Variants in RFX4 observed in about 807,000 individuals in gnomAD.
RFX4 encodes the protein transcription factor RFX4.
A neutral mutation model predicts 95.0 loss-of-function variants in RFX4; 10 were observed. The observed-to-expected ratio is 0.11, with a 90% CI of 0.06 to 0.18. The LOEUF (loss-of-function observed/expected upper bound fraction) is 0.18. Among genes scored for constraint, RFX4 ranks in the 10% least tolerant of loss-of-function variants. The pLI is 1.00. For missense variants in RFX4, 640 were observed against 922.0 expected, an observed-to-expected ratio of 0.69 and a Z score of 3.96; for synonymous variants, 321 against 340.7, an observed-to-expected ratio of 0.94 and a Z score of 0.64.
chr12:106,694,610 T>C (rs1592948806), intron 7 of RFX4, among the ~76,000 whole-genome samples: 1 of 152,212 alleles, frequency 6.6e-6, no homozygotes, highest in African/African-American at 2.4e-5. Context: ...ATCTCAGCCA[T>C]ACCCTGACTG....
At chr12:106,715,344 C>A in intron 10 of RFX4, 56 bp from the exon 11 acceptor site, 1 of 1,570,212 alleles carries the variant, frequency 6.4e-7, no homozygotes. Context: ...AAAGGAAATA[C>A]AGTGAAAGGG....
chr12:106,589,049 A>G (rs983712456), intron 1 of RFX4, among the ~76,000 whole-genome samples: 4 of 152,170 alleles, frequency 2.6e-5, no homozygotes, highest in African/African-American at 9.7e-5. Context: ...GAAACTCTTC[A>G]GCTGCCCCTC....
chr12:106,610,635 G>A (rs187849744), intron 2 of RFX4, among the ~76,000 whole-genome samples: 2 of 152,342 alleles, frequency 1.3e-5, no homozygotes, highest in East Asian at 3.8e-4. Context: ...TGTAGCATGT[G>A]TCAGAATTTT....
intron 15 of RFX4, among the ~76,000 whole-genome samples, chr12:106,735,378 GTTTTATAAAATGGAATAAAGACAAGGCTT>G: frequency 6.6e-6 from 1 of 152,214 alleles, no homozygotes; most frequent in African/African-American, 2.4e-5. Flanking sequence ...ATAGCTGAGA[GTTTTATAAAATGGAATAAAGACAAGGCTT>G]TTTAGACCAA....
At chr12:106,698,854 C>T (rs1415537434) in intron 8 of RFX4, among the ~76,000 whole-genome samples, 1 of 151,962 alleles carries the variant, frequency 6.6e-6, no homozygotes, top group Non-Finnish European at 1.5e-5. Flanking sequence ...TTATTGATCT[C>T]AAAAAATAGC....
intron 2 of RFX4, among the ~76,000 whole-genome samples, chr12:106,629,095 A>G (rs1196833776): frequency 2.6e-5 from 4 of 152,158 alleles, no homozygotes; most frequent in Non-Finnish European, 5.9e-5. Context: ...GTGGCATACT[A>G]TATGCACTGT....
chr12:106,643,123 C>A (rs2040666313), intron 3 of RFX4, among the ~76,000 whole-genome samples: 1 of 152,222 alleles, frequency 6.6e-6, no homozygotes, highest in African/African-American at 2.4e-5. Flanking sequence ...TCACTGAATA[C>A]AGGCTGCCCC....
intron 17 of RFX4, among the ~76,000 whole-genome samples, chr12:106,756,613 G>A (rs2043113248): frequency 6.6e-6 from 1 of 151,978 alleles, no homozygotes; most frequent in African/African-American, 2.4e-5. Flanking sequence ...TCTGACTGTA[G>A]AGCCAGGCTC....
intron 2 of RFX4, among the ~76,000 whole-genome samples, chr12:106,625,297 C>T (rs560800887): frequency 1.3e-5 from 2 of 152,200 alleles, no homozygotes; most frequent in African/African-American, 2.4e-5. Context: ...ATTCAGTAAG[C>T]GTGAGGAAAT....
At chr12:106,625,155 G>C (rs1013148515) in intron 2 of RFX4, among the ~76,000 whole-genome samples, 1 of 152,198 alleles carries the variant, frequency 6.6e-6, no homozygotes, top group Non-Finnish European at 1.5e-5. Context: ...GAAGGGATGT[G>C]ATTTGCCAGA....
At chr12:106,655,097 A>G (rs574887097) in intron 4 of RFX4, among the ~76,000 whole-genome samples, 1 of 152,302 alleles carries the variant, frequency 6.6e-6, no homozygotes, top group East Asian at 1.9e-4. Flanking sequence ...AGGAATACGA[A>G]GGGCTGAAAT....
At chr12:106,585,033 C>T (rs918633925) in intron 1 of RFX4, among the ~76,000 whole-genome samples, 1 of 152,234 alleles carries the variant, frequency 6.6e-6, no homozygotes, top group Non-Finnish European at 1.5e-5. Flanking sequence ...TCATCTCAAG[C>T]GCTGCGCCCT....
At chr12:106,658,398 C>T (rs2041004118) in intron 4 of RFX4, among the ~76,000 whole-genome samples, 1 of 152,182 alleles carries the variant, frequency 6.6e-6, no homozygotes, top group Admixed American at 6.5e-5. Context: ...AATCCCACAG[C>T]ATCTGGCCAT....
chr12:106,726,427 ATGAT>A (rs2137544888), intron 13 of RFX4, among the ~76,000 whole-genome samples: 1 of 152,252 alleles, frequency 6.6e-6, no homozygotes, highest in Admixed American at 6.5e-5. Flanking sequence ...AAATAAGGAA[ATGAT>A]TGTATTCTTT....
intron 1 of RFX4, among the ~76,000 whole-genome samples, chr12:106,607,899 G>A: frequency 6.6e-6 from 1 of 152,048 alleles, no homozygotes; most frequent in Non-Finnish European, 1.5e-5. Flanking sequence ...GATTTTAAAA[G>A]GGCTACATAG....
chr12:106,750,781 G>C lies in RFX4; in HGVS notation c.1923G>C (p.Arg641Ser). 1 of 1,597,906 alleles carries C rather than the reference G, an allele frequency of 6.3e-7. No individual in the cohort carries two copies. The highest frequency in any genetic ancestry group is 8.5e-7 in the Non-Finnish European group (1 of 1,174,226). The change falls in exon 17 of 18, where the codon AGG becomes AGC. Residue 641 changes from arginine to serine, a missense_variant. Transcript: ENST00000392842. ...SGPLHYAPYH[R>S]SSAQYPFNSP... ...CACTCCACTATGCCCCTTACCACAG[G>C]AGCTCTGCACAGGTGAGTCAGTGGT...
chr12:106,636,732 A>G (rs1324528985), intron 2 of RFX4, among the ~76,000 whole-genome samples: 4 of 152,216 alleles, frequency 2.6e-5, no homozygotes, highest in Admixed American at 2.0e-4. Flanking sequence ...AGGGAAGAGA[A>G]TACCCAATGA....
At chr12:106,700,596 C>T (rs920743802) in intron 8 of RFX4, among the ~76,000 whole-genome samples, 111 of 150,826 alleles carry the variant, frequency 7.4e-4, no homozygotes, top group African/African-American at 2.5e-3. Flanking sequence ...TTAGTAGAGA[C>T]GGGGTTTCAC....
At chr12:106,705,484 C>A (rs1472461049) in intron 8 of RFX4, among the ~76,000 whole-genome samples, 3 of 151,934 alleles carry the variant, frequency 2.0e-5, no homozygotes, top group Non-Finnish European at 4.4e-5. Flanking sequence ...CAGGTATACA[C>A]CCACAGAGGA....
Sources: gnomAD v4.1 joint callset for allele counts (sites outside exome capture counted in the v4.1 genomes callset) on GRCh38, gnomAD v4.1.1 for gene constraint, MANE v1.5 for transcripts, NCBI Gene and HGNC (gene_info 2026-07-23, HGNC 2026-07-21) for gene names.